The following MLXIP variants were observed in gnomAD, a reference collection of about 807,000 sequenced individuals.
The protein encoded by MLXIP is MLX interacting protein, also known as MLX-interacting protein.
A neutral mutation model predicts 87.2 loss-of-function variants in MLXIP; 30 were observed. The ratio of observed to expected loss-of-function variants is 0.34; its 90% CI spans 0.26 to 0.47. MLXIP has a LOEUF of 0.47. MLXIP is among the 20% of genes least tolerant of loss of function. MLXIP has a pLI of 1.00. For missense variants in MLXIP, 1,002 were observed against 1,240.1 expected (o/e 0.81, Z 2.88); for synonymous variants, 530 against 514.0 (o/e 1.03, Z -0.42).
Position 122,140,984 on chromosome 12 carries a change from T to G in MLXIP, c.2539T>G (p.Ser847Ala). 6.2e-7 allele frequency: 1 copy of G among 1,613,928 alleles called. No homozygotes were observed. The highest frequency in any genetic ancestry group is 8.5e-7 in the Non-Finnish European group (1 of 1,179,882). The part of the protein sequence containing the change: ...FSIIIKPLFE[S>A]FKGMVSTSSL... ...CATCATCATCAAGCCGCTGTTTGAG[T>G]CGTTCAAGGGCATGGTGTCCACCAG... Residue 847 changes from serine to alanine, a missense_variant, in exon 16 of 17, where the codon TCG (serine) becomes GCG (alanine). Around this residue, in one of 3 missense-constraint regions of MLXIP, gnomAD observed 746 missense variants for 897.0 expected, o/e 0.83. Transcript: ENST00000319080.
chr12:122,104,916 C>T (rs1952497125), intron 1 of MLXIP, among the ~76,000 whole-genome samples: 1 of 152,168 alleles, frequency 6.6e-6, no homozygotes, highest in Non-Finnish European at 1.5e-5. Flanking sequence ...TCTGCCTTCC[C>T]CCCGTGGCTC....
rs572554462 is a variant in MLXIP, at chr12:122,143,511, A to G, written c.*1699A>G. The G allele has an allele frequency of 1.3e-5, 2 of 152,042 alleles. No individual in the cohort carries two copies. Among genetic ancestry groups the G allele is most frequent in the African/African-American group, 4.8e-5 (2 of 41,432 alleles). 9.4% of individuals were successfully genotyped at this position (152,042 alleles called of 1,614,324 possible). Reference sequence around the variant, plus strand: ...AATTTCCCCTGGAAAATGGTAACAGACTCCATCCTTGACCCGGGGATGAGC... The same window carrying G: ...AATTTCCCCTGGAAAATGGTAACAGGCTCCATCCTTGACCCGGGGATGAGC... On this transcript the variant is annotated 3_prime_UTR_variant, in exon 17 of 17. Transcript: ENST00000319080.
chr12:122,141,542 C>T (rs942435536), intron 16 of MLXIP, 149 bp from the exon 17 acceptor site: 26 of 1,282,412 alleles, frequency 2.0e-5, no homozygotes, highest in South Asian at 4.9e-5. Flanking sequence ...GTCTCGGTGT[C>T]GGCCCCTGGC....
intron 1 of MLXIP, among the ~76,000 whole-genome samples, chr12:122,115,461 C>G (rs575807741): frequency 1.5e-3 from 221 of 151,700 alleles, no homozygotes; most frequent in African/African-American, 5.0e-3. Flanking sequence ...TGGTAGCGGG[C>G]ACCTGTCATC....
chr12:122,094,489 TTGC>T, intron 1 of MLXIP, among the ~76,000 whole-genome samples: 1 of 98,990 alleles, frequency 1.0e-5, no homozygotes, highest in South Asian at 3.7e-4. Flanking sequence ...GGGTGTGTGT[TTGC>T]AATGTCTGTG....
chr12:122,130,203 T>A, intron 6 of MLXIP, 91 bp downstream of exon 6: 1 of 1,307,228 alleles, frequency 7.6e-7, no homozygotes, highest in Non-Finnish European at 1.1e-6. Flanking sequence ...CAGGGCCATC[T>A]CTGAGCTGCT....
chr12:122,128,041 G>T (rs911864681), intron 3 of MLXIP, 73 bp downstream of exon 3: 15 of 1,319,404 alleles, frequency 1.1e-5, no homozygotes, highest in Non-Finnish European at 1.5e-5. Flanking sequence ...CTCACCGCGG[G>T]CTGGTCCTGT....
chr12:122,084,082 TAGTA>T (rs1417471129), intron 1 of MLXIP, among the ~76,000 whole-genome samples: 1 of 150,694 alleles, frequency 6.6e-6, no homozygotes, highest in African/African-American at 2.5e-5. Flanking sequence ...ATAGAACAGT[TAGTA>T]AGGGCTGTGA....
intron 5 of MLXIP, 92 bp downstream of exon 5, chr12:122,129,721 A>T: frequency 6.7e-7 from 1 of 1,497,218 alleles, no homozygotes; most frequent in Admixed American, 1.9e-5. Flanking sequence ...AAAAGGCGGC[A>T]GGCCATGGGC....
At chr12:122,090,043 G>T (rs1179391475) in intron 1 of MLXIP, among the ~76,000 whole-genome samples, 1 of 152,160 alleles carries the variant, frequency 6.6e-6, no homozygotes, top group African/African-American at 2.4e-5. Context: ...GAGAGGGTTA[G>T]ACTGGAGTCA....
chr12:122,135,864 A>T lies in MLXIP; in HGVS notation c.2032+198A>T. The T allele has an allele frequency of 1.5e-6, 1 of 659,264 alleles. No individual in the cohort carries two copies. Among genetic ancestry groups the T allele is most frequent in the Non-Finnish European group, 2.4e-6 (1 of 415,702 alleles). The allele number at this position is 659,264 out of a possible 1,614,324, so 40.8% of individuals were successfully genotyped here. A position where few individuals can be genotyped will look rare whatever the true frequency, so the allele number is the denominator to read the frequency against. ...CAGGATGAAATGTGGTGGCACTGGC[A>T]GGGCAAAAAGTAGTGAACATGTGGC... On this transcript the variant is annotated intron_variant, in intron 11 of 16. Transcript: ENST00000319080. The surrounding 1 kb of genome is among the most constrained non-coding windows in gnomAD (Gnocchi z 5.3).
chr12:122,129,057 G>A (rs1952928441), intron 3 of MLXIP, 80 bp from the exon 4 acceptor site: 1 of 1,195,332 alleles, frequency 8.4e-7, no homozygotes, highest in Non-Finnish European at 1.2e-6. Context: ...TGATTATAGT[G>A]CCGGATACTC....
At chr12:122,111,444 G>A (rs2135942580) in intron 1 of MLXIP, among the ~76,000 whole-genome samples, 1 of 152,252 alleles carries the variant, frequency 6.6e-6, no homozygotes, top group South Asian at 2.1e-4. Context: ...TTTTACCTTG[G>A]TGAATATTTA....
intron 1 of MLXIP, among the ~76,000 whole-genome samples, chr12:122,084,494 A>G (rs1360194025): frequency 6.6e-6 from 1 of 152,210 alleles, no homozygotes; most frequent in East Asian, 1.9e-4. Context: ...AGAAGAAAAG[A>G]GAATTCACAC....
At position 122,130,710 on chromosome 12, in the gene MLXIP, T is replaced by C. The variant is rs369349474; in HGVS notation, c.911-134T>C. ...GGAATGGCCACAAACCCTGAGAAGG[T>C]AGAAATCCCAGCCAGCTCCTTGGAA... On this transcript the variant is annotated intron_variant, in intron 6 of 16. Transcript: ENST00000319080. 8.9e-5 allele frequency: 59 copies of C among 663,044 alleles called. No homozygotes were observed. In the East Asian group the frequency reaches 9.6e-4, roughly 11 times the overall value. 41.1% of individuals were successfully genotyped at this position (663,044 alleles called of 1,614,324 possible).
rs778226123 is a variant in MLXIP, at chr12:122,141,857, C to T, written c.*45C>T. On this transcript the variant is annotated 3_prime_UTR_variant, in exon 17 of 17. Transcript: ENST00000319080. ...CCGCATGAGATGCCAGGAGACCCTT[C>T]CCTGCCCATGGAGAGTAGGCTGCGC... 1 of 1,607,120 alleles carries T rather than the reference C, an allele frequency of 6.2e-7. No individual in the cohort carries two copies. Among genetic ancestry groups the T allele is most frequent in the African/African-American group, 1.3e-5 (1 of 74,890 alleles).
chr12:122,106,861 C>T (rs1952528931), intron 1 of MLXIP, among the ~76,000 whole-genome samples: 1 of 152,106 alleles, frequency 6.6e-6, no homozygotes, highest in Non-Finnish European at 1.5e-5. Flanking sequence ...CTTGGCCTCC[C>T]GAAGTGCTGT....
In MLXIP at chr12:122,093,204, T is replaced by C. The variant is rs1166493774; in HGVS notation, c.413+13938T>C. 4.0e-5 allele frequency among the ~76,000 whole-genome samples: 6 copies of C among 149,702 alleles called. No individual in the cohort carries two copies. In the South Asian group the frequency reaches 8.5e-4, roughly 21 times the overall value. The stretch of plus-strand genomic sequence containing the variant: ...TGTGGGGGTGGATGTCTGTGTGTGG[T>C]GTGTGTTGGTGTGTGGTGTGTGTAG... On this transcript the variant is annotated intron_variant, in intron 1 of 16. Coordinates refer to ENST00000319080, the MANE Select transcript of MLXIP (RefSeq NM_014938.6).
intron 1 of MLXIP, among the ~76,000 whole-genome samples, chr12:122,099,592 A>G (rs1952406883): frequency 1.3e-5 from 2 of 152,322 alleles, no homozygotes; most frequent in South Asian, 2.1e-4. Flanking sequence ...TGTCCCTATC[A>G]TGTGTATGAT....
Sources: allele counts gnomAD v4.1 joint callset (sites outside exome capture counted in the v4.1 genomes callset), GRCh38; gene constraint gnomAD v4.1.1; regional missense constraint gnomAD v4.1.1; non-coding constraint Gnocchi (gnomAD v3.1); transcripts MANE v1.5; gene names NCBI Gene and HGNC (gene_info 2026-07-23, HGNC 2026-07-21).